ATG5: variants seen among roughly 807,000 people sequenced by gnomAD.
ATG5 encodes autophagy protein 5.
In ATG5, 14 loss-of-function variants were observed where a neutral mutation model predicts 36.5. The ratio of observed to expected loss-of-function variants is 0.38; its 90% CI spans 0.25 to 0.60. The LOEUF is 0.60. ATG5 is among the 20% of genes least tolerant of loss of function. The pLI, the probability that ATG5 is intolerant of heterozygous loss-of-function variation, is 0.60. For synonymous variants in ATG5, 95 were observed against 101.5 expected, an observed-to-expected ratio of 0.94 and a Z score of 0.38; for missense variants, 195 against 326.7, an observed-to-expected ratio of 0.60 and a Z score of 3.11.
chr6:106,275,142 G>A (rs1779591730), intron 5 of ATG5, among the ~76,000 whole-genome samples: 1 of 152,168 alleles, frequency 6.6e-6, no homozygotes, highest in South Asian at 2.1e-4. Flanking sequence ...CAACTGAGAT[G>A]AGCATTAAAG....
intron 6 of ATG5, among the ~76,000 whole-genome samples, chr6:106,216,603 A>G (rs1028899720): frequency 1.3e-5 from 2 of 152,214 alleles, no homozygotes; most frequent in East Asian, 1.9e-4. Context: ...GTGACTGCCA[A>G]TGGGCATGGG....
chr6:106,306,221 T>C (rs1770440793), intron 3 of ATG5, among the ~76,000 whole-genome samples: 1 of 152,192 alleles, frequency 6.6e-6, no homozygotes, highest in Non-Finnish European at 1.5e-5. Context: ...CCAAAATCAT[T>C]GTTTTGCAGT....
chr6:106,325,610 A>G lies in ATG5; in HGVS notation c.-143T>C, dbSNP rs1771262893. The G allele has an allele frequency of 6.5e-6, 1 of 152,740 alleles. No homozygotes were observed. Among genetic ancestry groups the G allele is most frequent in the South Asian group, 2.1e-4 (1 of 4,830 alleles). The allele number at this position is 152,740 out of a possible 1,614,324, so 9.5% of individuals were successfully genotyped here. On this transcript the variant is annotated 5_prime_UTR_variant, in exon 1 of 8. Coordinates refer to ENST00000369076, the MANE Select transcript of ATG5 (RefSeq NM_004849.4). Reference sequence around the variant, plus strand: ...CCGCGCTCCGGTGGGGCGGCGGGGCAAGCTGCCCGCCTGACACACTGTCCT... The same window carrying G: ...CCGCGCTCCGGTGGGGCGGCGGGGCGAGCTGCCCGCCTGACACACTGTCCT...
At chr6:106,257,247 T>C (rs976475803) in intron 5 of ATG5, among the ~76,000 whole-genome samples, 2 of 152,158 alleles carry the variant, frequency 1.3e-5, no homozygotes, top group Non-Finnish European at 2.9e-5. Flanking sequence ...GACCTTCCTA[T>C]TTTACAGCTA....
At chr6:106,246,294 A>G (rs772313582) in intron 6 of ATG5, among the ~76,000 whole-genome samples, 3 of 151,892 alleles carry the variant, frequency 2.0e-5, no homozygotes, top group Admixed American at 6.6e-5. Flanking sequence ...TTTGTCAAGC[A>G]AATTTTGAGA....
At chr6:106,309,914 T>C (rs1770587986) in intron 2 of ATG5, among the ~76,000 whole-genome samples, 2 of 152,118 alleles carry the variant, frequency 1.3e-5, no homozygotes, top group African/African-American at 4.8e-5. Flanking sequence ...AATATTAACT[T>C]ATGGAGACAG....
intron 6 of ATG5, among the ~76,000 whole-genome samples, chr6:106,232,157 GC>G (rs1777718892): frequency 6.6e-6 from 1 of 152,194 alleles, no homozygotes; most frequent in Non-Finnish European, 1.5e-5. Context: ...CCCTCACAGA[GC>G]CCTGGGTATG....
intron 5 of ATG5, among the ~76,000 whole-genome samples, chr6:106,250,264 A>AATTAGTT (rs151136970): frequency 0.025 from 3,740 of 152,252 alleles, 62 homozygotes; most frequent in African/African-American, 0.049. Flanking sequence ...ATTTTTAAAA[A>AATTAGTT]ATTTCTTCTT....
At chr6:106,219,198 T>C (rs912950498) in intron 6 of ATG5, among the ~76,000 whole-genome samples, 7 of 152,202 alleles carry the variant, frequency 4.6e-5, no homozygotes, top group African/African-American at 1.4e-4. Context: ...AAGTACTACA[T>C]TGGATTTCCG....
At chr6:106,231,800 T>C (rs1777704030) in intron 6 of ATG5, among the ~76,000 whole-genome samples, 1 of 152,066 alleles carries the variant, frequency 6.6e-6, no homozygotes, top group Admixed American at 6.5e-5. Context: ...TTTTTTATAA[T>C]AGAGATCAGG....
At chr6:106,234,690 T>C (rs1037240990) in intron 6 of ATG5, among the ~76,000 whole-genome samples, 4 of 152,238 alleles carry the variant, frequency 2.6e-5, no homozygotes, top group Admixed American at 6.5e-5. Flanking sequence ...TATACAATTA[T>C]GTTGTACCTA....
At chr6:106,293,204 A>AGG in intron 3 of ATG5, 98 bp from the exon 4 acceptor site, 1 of 924,022 alleles carries the variant, frequency 1.1e-6, no homozygotes, top group South Asian at 1.5e-5. Context: ...ACCAAATGTC[A>AGG]GGGGCTTTAA....
intron 3 of ATG5, among the ~76,000 whole-genome samples, chr6:106,301,877 T>C (rs1208441020): frequency 6.6e-6 from 1 of 152,052 alleles, no homozygotes; most frequent in Admixed American, 6.6e-5. Flanking sequence ...ACCATTATCA[T>C]TGCTGTTTTA....
intron 1 of ATG5, 74 bp downstream of exon 1, chr6:106,325,452 C>T (rs956603383): frequency 2.6e-5 from 4 of 152,690 alleles, no homozygotes; most frequent in African/African-American, 7.2e-5. Flanking sequence ...CTCCTTCCTA[C>T]CACACCTACC....
intron 5 of ATG5, among the ~76,000 whole-genome samples, chr6:106,266,264 T>C (rs1779225312): frequency 6.6e-6 from 1 of 152,134 alleles, no homozygotes; most frequent in Admixed American, 6.5e-5. Flanking sequence ...GGATAAATTA[T>C]TGGACACATA....
At chr6:106,221,124 T>C (rs1002413793) in intron 6 of ATG5, among the ~76,000 whole-genome samples, 4 of 152,184 alleles carry the variant, frequency 2.6e-5, no homozygotes, top group African/African-American at 9.6e-5. Context: ...GTTCTAACTA[T>C]TCTAAGGTAT....
At position 106,305,450 on chromosome 6, in the gene ATG5, T is replaced by C. The variant is rs552218366; in HGVS notation, c.236+2914A>G. Among the ~76,000 whole-genome samples the C allele has an allele frequency of 1.9e-4, 29 of 152,288 alleles. No homozygotes were observed. The South Asian group carries it at 3.9e-3, about 21-fold the overall frequency. On this transcript the variant is annotated intron_variant, in intron 3 of 7. Transcript: ENST00000369076. The stretch of plus-strand genomic sequence containing the variant: ...GGACTTTAGTTTTTTTTTCTTGTCA[T>C]TGAGAACTGTCACCTTATGAAAAGA...
At chr6:106,270,617 G>C (rs1351363869) in intron 5 of ATG5, among the ~76,000 whole-genome samples, 1 of 152,140 alleles carries the variant, frequency 6.6e-6, no homozygotes, top group African/African-American at 2.4e-5. Flanking sequence ...TGCAGCATTA[G>C]ATTCTAGTCT....
intron 6 of ATG5, among the ~76,000 whole-genome samples, chr6:106,209,101 C>T (rs1379816397): frequency 6.6e-6 from 1 of 152,184 alleles, no homozygotes. Context: ...AGTACAGTCC[C>T]TCAGGAAAGG....
Sources: allele counts gnomAD v4.1 joint callset (sites outside exome capture counted in the v4.1 genomes callset), GRCh38; gene constraint gnomAD v4.1.1; transcripts MANE v1.5; gene names NCBI Gene and HGNC (gene_info 2026-07-23, HGNC 2026-07-21).